Variants in AP2A2 observed in about 807,000 individuals in gnomAD.
The protein encoded by AP2A2 is adaptor related protein complex 2 subunit alpha 2, also known as AP-2 complex subunit alpha-2.
In AP2A2, 32 loss-of-function variants were observed where a neutral mutation model predicts 104.2. That is an observed-to-expected ratio of 0.31 (90% CI 0.23 to 0.41). The LOEUF (loss-of-function observed/expected upper bound fraction) is 0.41. Ranked by LOEUF, AP2A2 falls within the 10% of genes least tolerant of loss-of-function variation. The pLI, the probability that AP2A2 is intolerant of heterozygous loss-of-function variation, is 1.00. For missense variants in AP2A2, 912 were observed against 1,261.0 expected (o/e 0.72, Z 4.19); for synonymous variants, 539 against 533.3 (o/e 1.01, Z -0.15).
At chr11:994,024 G>T (rs918752791) in intron 13 of AP2A2, 39 bp downstream of exon 13, 23 of 1,609,364 alleles carry the variant, frequency 1.4e-5, no homozygotes, top group Non-Finnish European at 1.9e-5. Context: ...TTGGCTGAGG[G>T]TTGGAGGCCA....
chr11:1,008,851 G>A (rs1458082875), intron 18 of AP2A2: 1 of 554,884 alleles, frequency 1.8e-6, no homozygotes, highest in South Asian at 2.6e-5. Context: ...CTGGGAAACA[G>A]ATGAATGGGG....
At position 940,654 on chromosome 11, in the gene AP2A2, T is replaced by G. The variant is rs559681798; in HGVS notation, c.67+14566T>G. On this transcript the variant is annotated intron_variant, in intron 1 of 21. Transcript: ENST00000448903. ...AGGTGTTTCCTTTGGCGTTTCCTTCTGTGCATTGTCTCATTGCTTTGAATG... is the reference window on the plus strand; with the variant it reads ...AGGTGTTTCCTTTGGCGTTTCCTTCGGTGCATTGTCTCATTGCTTTGAATG... The G allele has an allele frequency of 2.5e-5, 9 of 359,544 alleles. No individual in the cohort carries two copies. The East Asian group carries it at 5.1e-4, about 21-fold the overall frequency. 22.3% of individuals were successfully genotyped at this position (359,544 alleles called of 1,614,324 possible).
rs192013666 is a variant in AP2A2 at position 926,295 on chromosome 11, C to A, written c.67+207C>A. Among the ~76,000 whole-genome samples, 638 of 64,238 alleles carry A rather than the reference C, an allele frequency of 9.9e-3. 12 individuals are homozygous for A. The highest frequency in any genetic ancestry group is 0.038 in the African/African-American group (605 of 16,124). The allele number at this position is 64,238 out of a possible 152,430, so 42.1% of individuals were successfully genotyped here. On this transcript the variant is annotated intron_variant, in intron 1 of 21. Coordinates refer to ENST00000448903, the MANE Select transcript of AP2A2 (RefSeq NM_012305.4). ...AGGGTGCGGGGTGGGGGTCCAGGGT[C>A]TGGGGGTGCGGGCGGCGCTCAGAGT...
intron 1 of AP2A2, among the ~76,000 whole-genome samples, chr11:955,820 A>G (rs1394719971): frequency 6.6e-6 from 1 of 152,204 alleles, no homozygotes; most frequent in Non-Finnish European, 1.5e-5. Context: ...GGGAGGCAAG[A>G]TCAGTTTTGG....
chr11:991,591 G>A (rs1855656601), intron 10 of AP2A2, among the ~76,000 whole-genome samples: 1 of 152,144 alleles, frequency 6.6e-6, no homozygotes, highest in South Asian at 2.1e-4. Context: ...GGCCCCTGGT[G>A]CACAGCCGTG....
intron 2 of AP2A2, among the ~76,000 whole-genome samples, chr11:969,220 CTTTTT>C (rs1190722379): frequency 1.3e-3 from 61 of 48,044 alleles, no homozygotes; most frequent in Admixed American, 2.7e-3. Flanking sequence ...TAGAACAGCC[CTTTTT>C]TTTTTTTTTT....
chr11:976,954 C>T, intron 4 of AP2A2, 141 bp from the exon 5 acceptor site: 2 of 1,138,478 alleles, frequency 1.8e-6, no homozygotes, highest in Non-Finnish European at 2.5e-6. Context: ...CCTAGGCGGC[C>T]TCGGCAGGCG....
intron 4 of AP2A2, 133 bp from the exon 5 acceptor site, chr11:976,962 G>A: frequency 8.0e-7 from 1 of 1,244,990 alleles, no homozygotes; most frequent in Non-Finnish European, 1.1e-6. Context: ...GCCTCGGCAG[G>A]CGGCCCTGAG....
intron 4 of AP2A2, among the ~76,000 whole-genome samples, chr11:975,243 G>A (rs980599429): frequency 2.6e-5 from 4 of 152,114 alleles, no homozygotes; most frequent in African/African-American, 9.7e-5. Context: ...CGTGTGAGCC[G>A]ACATTAGCGA....
At chr11:950,273 A>G (rs535531479) in intron 1 of AP2A2, among the ~76,000 whole-genome samples, 2 of 152,166 alleles carry the variant, frequency 1.3e-5, no homozygotes, top group South Asian at 4.2e-4. Context: ...GACTCCTACC[A>G]AAAAAACAGG....
intron 6 of AP2A2, among the ~76,000 whole-genome samples, chr11:984,050 G>T (rs961458022): frequency 6.6e-6 from 1 of 152,240 alleles, no homozygotes; most frequent in Non-Finnish European, 1.5e-5. Flanking sequence ...TAGGAAGGGA[G>T]GAACTACCCT....
chr11:956,028 C>T (rs748377851), intron 1 of AP2A2, among the ~76,000 whole-genome samples: 2 of 152,130 alleles, frequency 1.3e-5, no homozygotes, highest in Non-Finnish European at 2.9e-5. Context: ...AAATAGTCAG[C>T]TTTATTATTG....
At chr11:969,032 C>T (rs1044852738) in intron 2 of AP2A2, among the ~76,000 whole-genome samples, 42 of 152,066 alleles carry the variant, frequency 2.8e-4, no homozygotes, top group East Asian at 3.9e-4. Context: ...GGGGCCAGAG[C>T]GGCTGTCGCA....
At chr11:937,614 C>T (rs1270088140) in intron 1 of AP2A2, among the ~76,000 whole-genome samples, 1 of 152,188 alleles carries the variant, frequency 6.6e-6, no homozygotes, top group African/African-American at 2.4e-5. Flanking sequence ...CAAAACACCA[C>T]CACCAAATTC....
chr11:992,537 C>A lies in AP2A2; in HGVS notation c.1304C>A (p.Ala435Glu). ...LKVAILAEKY[A>E]VDYTWYVDTI... The stretch of plus-strand genomic sequence containing the variant: ...GTCGCCATCCTGGCTGAGAAGTACG[C>A]GGTGGACTACACCTGGTATGTGGAT... The change falls in exon 11 of 22, where the codon GCG (alanine) becomes GAG (glutamate). Residue 435 changes from alanine to glutamate, a missense_variant. By Grantham distance (107) the Ala-to-Glu change is moderately radical (BLOSUM62 -1). Coordinates refer to ENST00000448903, the MANE Select transcript of AP2A2 (RefSeq NM_012305.4). The surrounding 1 kb of genome is among the most constrained non-coding windows in gnomAD (Gnocchi z 6.4). The A allele has an allele frequency of 1.2e-6, 2 of 1,609,178 alleles. No homozygotes were observed. Among genetic ancestry groups the A allele is most frequent in the South Asian group, 2.2e-5 (2 of 90,160 alleles).
chr11:925,975 T>A lies in AP2A2; in HGVS notation c.-47T>A. 7.4e-7 allele frequency: 1 copy of A among 1,357,042 alleles called. No homozygotes were observed. The highest frequency in any genetic ancestry group is 9.7e-7 in the Non-Finnish European group (1 of 1,034,748). 84.1% of individuals were successfully genotyped at this position (1,357,042 alleles called of 1,614,324 possible). A position where few individuals can be genotyped will look rare whatever the true frequency, so the allele number is the denominator to read the frequency against. ...ACTCCCCGCTTCCCGCTCCCCGCGC[T>A]CCTCCGCCCGGGTCCGCCAGCCGAG... On this transcript the variant is annotated 5_prime_UTR_variant, in exon 1 of 22. Coordinates refer to ENST00000448903, the MANE Select transcript of AP2A2 (RefSeq NM_012305.4).
At chr11:985,032 G>A (rs1855404753) in intron 7 of AP2A2, among the ~76,000 whole-genome samples, 1 of 152,208 alleles carries the variant, frequency 6.6e-6, no homozygotes, top group Non-Finnish European at 1.5e-5. Context: ...TGCCCAGGCT[G>A]GAGTGCAGTG....
chr11:963,859 C>T (rs1854525396), intron 2 of AP2A2, among the ~76,000 whole-genome samples: 2 of 152,232 alleles, frequency 1.3e-5, no homozygotes, highest in South Asian at 2.1e-4. Context: ...CTTATGGGCT[C>T]AAGAGATCGG....
chr11:988,332 G>A (rs112563588), intron 9 of AP2A2, among the ~76,000 whole-genome samples: 5 of 152,370 alleles, frequency 3.3e-5, no homozygotes, highest in African/African-American at 7.2e-5. Flanking sequence ...GGGTCCTAGC[G>A]AAGCTGGCCT....
Sources: allele counts gnomAD v4.1 joint callset (sites outside exome capture counted in the v4.1 genomes callset), GRCh38; gene constraint gnomAD v4.1.1; non-coding constraint Gnocchi (gnomAD v3.1); transcripts MANE v1.5; gene names NCBI Gene and HGNC (gene_info 2026-07-23, HGNC 2026-07-21).